ALKBH8: variants seen among roughly 807,000 people sequenced by gnomAD.
ALKBH8 encodes alkB homolog 8, tRNA methyltransferase.
ALKBH8 carries 36 observed loss-of-function variants against 59.8 expected under a neutral mutation model. That is an observed-to-expected ratio of 0.60 (90% CI 0.46 to 0.79). The LOEUF is 0.79. Among genes scored for constraint, ALKBH8 ranks in the 30% least tolerant of loss-of-function variants. The pLI is 0.00. For missense variants in ALKBH8, 768 were observed against 801.0 expected (o/e 0.96, Z 0.50); for synonymous variants, 276 against 273.6 (o/e 1.01, Z -0.09).
At chr11:107,537,235 A>C (rs1045324919) in intron 7 of ALKBH8, among the ~76,000 whole-genome samples, 2 of 152,232 alleles carry the variant, frequency 1.3e-5, no homozygotes, top group African/African-American at 4.8e-5. Context: ...ATCACAAATG[A>C]ATGTACAAGT....
intron 7 of ALKBH8, among the ~76,000 whole-genome samples, chr11:107,548,548 T>C (rs949396641): frequency 1.3e-5 from 2 of 152,138 alleles, no homozygotes; most frequent in African/African-American, 4.8e-5. Flanking sequence ...TGTTTTTTCC[T>C]CCCCGATCTC....
chr11:107,507,222 GCT>G (rs1471392788), intron 11 of ALKBH8, among the ~76,000 whole-genome samples: 1 of 152,260 alleles, frequency 6.6e-6, no homozygotes, highest in Admixed American at 6.5e-5. Context: ...CAGTTCCACA[GCT>G]CTCTTAGCCT....
Position 107,553,952 on chromosome 11 carries a change from C to T in ALKBH8, c.394G>A (p.Ala132Thr). 1.2e-6 allele frequency: 2 copies of T among 1,613,766 alleles called. No individual in the cohort carries two copies. The highest frequency in any genetic ancestry group is 1.7e-6 in the Non-Finnish European group (2 of 1,179,810). ...ACTACCATGAGTCCTGGTGGTAAGG[C>T]TTGAGGCCTCAACTCCTTCCACTGC... ...KVQWKELRPQ[A>T]LPPGLMVVEE... Residue 132 changes from alanine to threonine, a missense_variant, in exon 4 of 12, where the codon GCC becomes ACC. By Grantham distance (58) the Ala-to-Thr change is moderately conservative (BLOSUM62 0). Transcript: ENST00000428149.
At position 107,565,669 on chromosome 11, in the gene ALKBH8, G is replaced by A; in HGVS notation, c.-75C>T. 1 of 1,535,700 alleles carries A rather than the reference G, an allele frequency of 6.5e-7. No individual in the cohort carries two copies. Among genetic ancestry groups the A allele is most frequent in the Non-Finnish European group, 8.7e-7 (1 of 1,146,878 alleles). On this transcript the variant is annotated 5_prime_UTR_variant, in exon 1 of 12. Transcript: ENST00000428149. ...CTTCTTTGCCAGCCTCTCCACTCTA[G>A]CACCAGAACACCGCAGCGGATACTT...
At chr11:107,542,981 C>G (rs1864105245) in intron 7 of ALKBH8, among the ~76,000 whole-genome samples, 1 of 152,090 alleles carries the variant, frequency 6.6e-6, no homozygotes, top group Non-Finnish European at 1.5e-5. Context: ...GCAGGAAACC[C>G]AGAAAGAGCA....
intron 2 of ALKBH8, among the ~76,000 whole-genome samples, chr11:107,560,349 T>C (rs1434743742): frequency 1.3e-5 from 2 of 152,286 alleles, no homozygotes; most frequent in East Asian, 3.9e-4. Flanking sequence ...AGGGCTGTAG[T>C]AGGATATGGA....
At chr11:107,530,241 A>G (rs1863530636) in intron 8 of ALKBH8, among the ~76,000 whole-genome samples, 1 of 152,212 alleles carries the variant, frequency 6.6e-6, no homozygotes, top group Non-Finnish European at 1.5e-5. Flanking sequence ...TATGATGGCT[A>G]GAATAGTAAA....
intron 8 of ALKBH8, among the ~76,000 whole-genome samples, chr11:107,526,221 C>T (rs994125724): frequency 1.3e-5 from 2 of 151,982 alleles, no homozygotes; most frequent in Non-Finnish European, 2.9e-5. Context: ...AAATGTTACA[C>T]TCCAACCGGC....
chr11:107,565,579 G>A lies in ALKBH8; in HGVS notation c.-7+22C>T, dbSNP rs142208363. On this transcript the variant is annotated intron_variant, in intron 1 of 11. Coordinates refer to ENST00000428149, the MANE Select transcript of ALKBH8 (RefSeq NM_138775.3). ...GCGGTGATTTGCTGCCCGTATGCCCGCCAGTAAGAAGTGCCACACACCTCC... is the reference window on the plus strand; with the variant it reads ...GCGGTGATTTGCTGCCCGTATGCCCACCAGTAAGAAGTGCCACACACCTCC... 4,614 of 1,535,666 alleles carry A rather than the reference G, an allele frequency of 3.0e-3. 14 individuals are homozygous for A. Among genetic ancestry groups the A allele is most frequent in the Middle Eastern group, 4.0e-3 (24 of 5,986 alleles).
At chr11:107,516,990 C>T (rs560972139) in intron 10 of ALKBH8, among the ~76,000 whole-genome samples, 1 of 152,208 alleles carries the variant, frequency 6.6e-6, no homozygotes, top group South Asian at 2.1e-4. Flanking sequence ...TACCACTGCA[C>T]TCCAGCCTGG....
At position 107,556,945 on chromosome 11, in the gene ALKBH8, G is replaced by C. The variant is rs369247558; in HGVS notation, c.188C>G (p.Pro63Arg). 3 of 1,610,486 alleles carry C rather than the reference G, an allele frequency of 1.9e-6. No homozygotes were observed. Among genetic ancestry groups the C allele is most frequent in the African/African-American group, 2.7e-5 (2 of 74,604 alleles). Reference sequence around the variant, plus strand: ...CACCAGTCCACATTTCTCTAAAACCGGGAGCAGCTGGTTCCGACTCACACC... The same window carrying C: ...CACCAGTCCACATTTCTCTAAAACCCGGAGCAGCTGGTTCCGACTCACACC... ...GNGVSRNQLL[P>R]VLEKCGLVDA... Residue 63 changes from proline to arginine, a missense_variant, in exon 3 of 12, where the codon CCG becomes CGG. By Grantham distance (103) the Pro-to-Arg change is moderately radical. Coordinates refer to ENST00000428149, the MANE Select transcript of ALKBH8 (RefSeq NM_138775.3).
At chr11:107,537,629 G>C (rs1473657352) in intron 7 of ALKBH8, among the ~76,000 whole-genome samples, 2 of 151,822 alleles carry the variant, frequency 1.3e-5, no homozygotes, top group Admixed American at 6.6e-5. Flanking sequence ...TAGGTGATGG[G>C]ATGATCTGTG....
In ALKBH8 at chr11:107,556,913, G is replaced by A. The variant is rs776494816; in HGVS notation, c.220C>T (p.Leu74Phe). ...TACGGCTTGTTAGGTGGCATTAAGAGAGCATCCACCAGTCCACATTTCTCT... is the reference window on the plus strand; with the variant it reads ...TACGGCTTGTTAGGTGGCATTAAGAAAGCATCCACCAGTCCACATTTCTCT... Reference protein sequence around the residue: ...VLEKCGLVDALLMPPNKPYSF... With the variant: ...VLEKCGLVDAFLMPPNKPYSF... The change falls in exon 3 of 12, where the codon CTC becomes TTC. Residue 74 changes from leucine to phenylalanine, a missense_variant. Coordinates refer to ENST00000428149, the MANE Select transcript of ALKBH8 (RefSeq NM_138775.3). The A allele has an allele frequency of 6.2e-7, 1 of 1,612,768 alleles. No homozygotes were observed.
intron 1 of ALKBH8, chr11:107,565,381 C>G: frequency 1.6e-6 from 1 of 616,872 alleles, no homozygotes; most frequent in South Asian, 2.0e-5. Context: ...CACGTGAGCG[C>G]CCGAACCAAA....
At chr11:107,505,576 G>A (rs897099530) in intron 11 of ALKBH8, among the ~76,000 whole-genome samples, 4 of 152,306 alleles carry the variant, frequency 2.6e-5, no homozygotes, top group Admixed American at 6.5e-5. Context: ...CAAAGGAATC[G>A]TGTCAACTAT....
Position 107,549,785 on chromosome 11 carries a change from C to T in ALKBH8, c.739G>A (p.Asp247Asn). The T allele has an allele frequency of 6.5e-7, 1 of 1,550,216 alleles. No homozygotes were observed. Among genetic ancestry groups the T allele is most frequent in the Admixed American group, 2.0e-5 (1 of 50,966 alleles). The change falls in exon 7 of 12, where the codon GAT becomes AAT. Residue 247 changes from aspartate (D) to asparagine (N), a missense_variant. Physicochemically the swap from Asp to Asn is conservative, Grantham distance 23. Coordinates refer to ENST00000428149, the MANE Select transcript of ALKBH8 (RefSeq NM_138775.3). The stretch of plus-strand genomic sequence containing the variant: ...CCCAAACTGAGAGAAACGATCTCAT[C>T]CTCAAAAGCGGAATGTGTATCAATA... ...AHIDTHSAFE[D>N]EIVSLSLGSE...
At chr11:107,565,463 G>A (rs1865093325) in intron 1 of ALKBH8, 138 bp downstream of exon 1, 4 of 1,222,582 alleles carry the variant, frequency 3.3e-6, no homozygotes, top group South Asian at 1.4e-5. Context: ...ACTGCACCAA[G>A]GGCGCCTCTG....
intron 1 of ALKBH8, among the ~76,000 whole-genome samples, chr11:107,561,143 T>C (rs1305151519): frequency 6.6e-6 from 1 of 152,170 alleles, no homozygotes; most frequent in Non-Finnish European, 1.5e-5. Context: ...GGTAGCTCCA[T>C]TAAGTGTGCT....
At chr11:107,561,618 C>T (rs1864941576) in intron 1 of ALKBH8, among the ~76,000 whole-genome samples, 1 of 152,032 alleles carries the variant, frequency 6.6e-6, no homozygotes, top group African/African-American at 2.4e-5. Flanking sequence ...ATAATCACAC[C>T]ATCCAAATCA....
Sources: allele counts gnomAD v4.1 joint callset (sites outside exome capture counted in the v4.1 genomes callset), GRCh38; gene constraint gnomAD v4.1.1; transcripts MANE v1.5; gene names NCBI Gene and HGNC (gene_info 2026-07-23, HGNC 2026-07-21).